NR3C2: variants seen among roughly 807,000 people sequenced by gnomAD.
NR3C2 encodes the protein mineralocorticoid receptor.
Under a neutral mutation model 86.4 loss-of-function variants are expected in NR3C2, and 15 were observed. That is an observed-to-expected ratio of 0.17 (90% CI 0.12 to 0.27). NR3C2 has a LOEUF of 0.27. Ranked by LOEUF, NR3C2 falls within the 10% of genes least tolerant of loss-of-function variation. The pLI is 1.00. For missense variants in NR3C2, 960 were observed against 1,195.6 expected (o/e 0.80, Z 2.91); for synonymous variants, 458 against 450.5 (o/e 1.02, Z -0.21).
At chr4:148,084,553 TG>T (rs1158601537) in intron 8 of NR3C2, among the ~76,000 whole-genome samples, 1 of 152,204 alleles carries the variant, frequency 6.6e-6, no homozygotes, top group East Asian at 1.9e-4. Flanking sequence ...TACCAGCCAC[TG>T]CAAAAACATA....
Position 148,088,204 on chromosome 4 carries a change from G to A in NR3C2, c.2800-6705C>T, listed in dbSNP as rs75372404. ...TAGAATGGTGATCACTAAAAAGTTA[G>A]TTAGGAAACAACAGATGCTGGAAAG... On this transcript the variant is annotated intron_variant, in intron 8 of 8. Transcript: ENST00000358102. 9.8e-5 allele frequency among the ~76,000 whole-genome samples: 15 copies of A among 152,300 alleles called. 1 individual carries two copies. The highest frequency in any genetic ancestry group is 3.6e-4 in the African/African-American group (15 of 41,562).
chr4:148,136,091 ACC>A (rs533742093), intron 6 of NR3C2, among the ~76,000 whole-genome samples: 29 of 137,282 alleles, frequency 2.1e-4, no homozygotes, highest in Non-Finnish European at 3.1e-4. Context: ...AAAAAAAAAC[ACC>A]ACCAAAACCA....
intron 2 of NR3C2, among the ~76,000 whole-genome samples, chr4:148,340,072 C>T (rs1015837848): frequency 1.3e-5 from 2 of 152,036 alleles, no homozygotes; most frequent in African/African-American, 4.8e-5. Flanking sequence ...GGGAAGACAG[C>T]CCATGCTCGT....
intron 2 of NR3C2, among the ~76,000 whole-genome samples, chr4:148,394,867 G>A (rs1351693841): frequency 6.6e-6 from 1 of 152,102 alleles, no homozygotes; most frequent in Non-Finnish European, 1.5e-5. Flanking sequence ...TGGCTAAGAA[G>A]ATTTCTAGAC....
intron 2 of NR3C2, among the ~76,000 whole-genome samples, chr4:148,397,501 G>A (rs978898742): frequency 2.0e-4 from 30 of 152,182 alleles, no homozygotes; most frequent in African/African-American, 5.8e-4. Flanking sequence ...CGGGAATCCT[G>A]CCAAAATGTA....
chr4:148,321,105 A>G (rs1210297689), intron 2 of NR3C2, among the ~76,000 whole-genome samples: 2 of 150,322 alleles, frequency 1.3e-5, no homozygotes, highest in Non-Finnish European at 3.0e-5. Flanking sequence ...TTCAAAGAAC[A>G]TCTTCATTTC....
At chr4:148,340,793 A>G (rs1744712794) in intron 2 of NR3C2, among the ~76,000 whole-genome samples, 3 of 152,136 alleles carry the variant, frequency 2.0e-5, no homozygotes, top group Non-Finnish European at 4.4e-5. Flanking sequence ...AAATAATCCA[A>G]TTGTTTCAAA....
intron 2 of NR3C2, among the ~76,000 whole-genome samples, chr4:148,333,403 G>A (rs778701892): frequency 6.6e-6 from 1 of 152,170 alleles, no homozygotes; most frequent in African/African-American, 2.4e-5. Flanking sequence ...CTGATTTTAA[G>A]CTGGGCACAT....
At chr4:148,283,493 C>T (rs1300474683) in intron 2 of NR3C2, among the ~76,000 whole-genome samples, 2 of 152,084 alleles carry the variant, frequency 1.3e-5, no homozygotes, top group Non-Finnish European at 2.9e-5. Context: ...TGGTGATCAC[C>T]AGGCTTGCAA....
chr4:148,420,740 G>T (rs1749241692), intron 2 of NR3C2, among the ~76,000 whole-genome samples: 1 of 151,982 alleles, frequency 6.6e-6, no homozygotes, highest in African/African-American at 2.4e-5. Context: ...AATCCTTCAT[G>T]AATGGTTTAG....
In NR3C2 at chr4:148,380,619, T is replaced by C. The variant is rs188214423; in HGVS notation, c.1757+54485A>G. 3.6e-3 allele frequency among the ~76,000 whole-genome samples: 554 copies of C among 152,344 alleles called. 4 individuals are homozygous for C. The highest frequency in any genetic ancestry group is 6.4e-3 in the Non-Finnish European group (437 of 68,028). On this transcript the variant is annotated intron_variant, in intron 2 of 8. Transcript: ENST00000358102. ...CTTACCAATACTTGTTACTGTCTCT[T>C]TGATTATACTCATCTTAGTGGGCGC...
chr4:148,405,028 T>A (rs182948864), intron 2 of NR3C2, among the ~76,000 whole-genome samples: 29 of 152,342 alleles, frequency 1.9e-4, no homozygotes, highest in Admixed American at 1.2e-3. Context: ...AAATTTCAAA[T>A]ACTTTATATT....
Position 148,196,888 on chromosome 4 carries a change from C to T in NR3C2, c.1898-2026G>A, listed in dbSNP as rs145069464. Among the ~76,000 whole-genome samples the T allele has an allele frequency of 3.1e-3, 475 of 152,202 alleles. 1 individual carries two copies. The highest frequency in any genetic ancestry group is 0.011 in the African/African-American group (449 of 41,544). ...TAAAAATGGTAACTGATAAATATAA[C>T]GTTTCATGATGTTGTACAGCAGCTT... On this transcript the variant is annotated intron_variant, in intron 3 of 8. Transcript: ENST00000358102.
At chr4:148,099,708 G>T (rs1338033956) in intron 8 of NR3C2, among the ~76,000 whole-genome samples, 1 of 152,050 alleles carries the variant, frequency 6.6e-6, no homozygotes. Flanking sequence ...GTAAGAAGAG[G>T]GATTTGAGCT....
intron 2 of NR3C2, among the ~76,000 whole-genome samples, chr4:148,262,020 T>C (rs1034948958): frequency 6.6e-6 from 1 of 152,200 alleles, no homozygotes; most frequent in Non-Finnish European, 1.5e-5. Flanking sequence ...TTGACTTCTT[T>C]ATGGCATTCA....
chr4:148,307,381 T>TCTG (rs1742681945), intron 2 of NR3C2, among the ~76,000 whole-genome samples: 1 of 152,148 alleles, frequency 6.6e-6, no homozygotes, highest in South Asian at 2.1e-4. Context: ...ATTTTAGGAT[T>TCTG]TTCAACAGAA....
Position 148,134,643 on chromosome 4 carries a change from C to CTCTTTTTTTTTTTTTT in NR3C2, c.2511-14356_2511-14355insAAAAAAAAAAAAAAGA, listed in dbSNP as rs1440338033. Among the ~76,000 whole-genome samples, 10 of 40,806 alleles carry CTCTTTTTTTTTTTTTT rather than the reference C, an allele frequency of 2.5e-4. No individual in the cohort carries two copies. In the East Asian group the frequency reaches 4.8e-3, roughly 19 times the overall value. The allele number at this position is 40,806 out of a possible 152,430, so 26.8% of individuals were successfully genotyped here. On this transcript the variant is annotated intron_variant, in intron 6 of 8. Transcript: ENST00000358102. ...CCTGTGATTCTCTCTCTCTCTCTCT[C>CTCTTTTTTTTTTTTTT]TTTTTTTTTTTTTTTTTTTTTTTTA...
At chr4:148,321,468 G>C (rs997860294) in intron 2 of NR3C2, among the ~76,000 whole-genome samples, 3 of 151,678 alleles carry the variant, frequency 2.0e-5, no homozygotes, top group African/African-American at 7.3e-5. Flanking sequence ...GTCTAATGTT[G>C]ACAGTGGGGT....
intron 4 of NR3C2, among the ~76,000 whole-genome samples, chr4:148,186,230 T>C (rs1735884260): frequency 6.6e-6 from 1 of 152,238 alleles, no homozygotes; most frequent in African/African-American, 2.4e-5. Context: ...TTAGAATCTT[T>C]TCATGTGTTT....
Sources: allele counts gnomAD v4.1 joint callset (sites outside exome capture counted in the v4.1 genomes callset), GRCh38; gene constraint gnomAD v4.1.1; transcripts MANE v1.5; gene names NCBI Gene and HGNC (gene_info 2026-07-23, HGNC 2026-07-21).